EIF2AK2: variants seen among roughly 807,000 people sequenced by gnomAD.
EIF2AK2 encodes eukaryotic translation initiation factor 2 alpha kinase 2, also known as interferon-induced, double-stranded RNA-activated protein kinase.
In EIF2AK2, 40 loss-of-function variants were observed where a neutral mutation model predicts 70.5. The ratio of observed to expected loss-of-function variants is 0.57; its 90% CI spans 0.44 to 0.74. The LOEUF is 0.74. EIF2AK2 is among the 30% of genes least tolerant of loss of function. The pLI is 0.00. For missense variants in EIF2AK2, 555 were observed against 644.3 expected, an observed-to-expected ratio of 0.86 and a Z score of 1.50; for synonymous variants, 198 against 220.9, an observed-to-expected ratio of 0.90 and a Z score of 0.92.
chr2:37,107,080 A>T lies in EIF2AK2; in HGVS notation c.*193T>A. 1 of 689,344 alleles carries T rather than the reference A, an allele frequency of 1.5e-6. No individual in the cohort carries two copies. The highest frequency in any genetic ancestry group is 2.1e-6 in the Non-Finnish European group (1 of 468,752). 42.7% of individuals were successfully genotyped at this position (689,344 alleles called of 1,614,324 possible). A position where few individuals can be genotyped will look rare whatever the true frequency, so the allele number is the denominator to read the frequency against. Reference sequence around the variant, plus strand: ...AGAATAAAGAGATGAGCCAGGAAAAAGTAAAATGTAAGAATGTTTTTGAAG... The same window carrying T: ...AGAATAAAGAGATGAGCCAGGAAAATGTAAAATGTAAGAATGTTTTTGAAG... On this transcript the variant is annotated 3_prime_UTR_variant, in exon 17 of 17. Transcript: ENST00000233057.
At chr2:37,155,085 G>A (rs1014532801) in intron 1 of EIF2AK2, among the ~76,000 whole-genome samples, 15 of 151,898 alleles carry the variant, frequency 9.9e-5, no homozygotes, top group Admixed American at 8.5e-4. Flanking sequence ...TAAATTCCAC[G>A]GACACAATGA....
intron 10 of EIF2AK2, among the ~76,000 whole-genome samples, chr2:37,134,858 C>T (rs1675070670): frequency 6.6e-6 from 1 of 152,206 alleles, no homozygotes; most frequent in Non-Finnish European, 1.5e-5. Flanking sequence ...GGACTAATTC[C>T]TCCTAGCCAA....
At chr2:37,139,325 A>C (rs1217204293) in intron 6 of EIF2AK2, among the ~76,000 whole-genome samples, 1 of 151,752 alleles carries the variant, frequency 6.6e-6, no homozygotes, top group African/African-American at 2.4e-5. Flanking sequence ...AAAAAAAAAA[A>C]AAAAAAAACT....
chr2:37,121,285 A>AAC (rs1674540763), intron 12 of EIF2AK2, among the ~76,000 whole-genome samples: 2 of 142,194 alleles, frequency 1.4e-5, no homozygotes, highest in Admixed American at 1.4e-4. Flanking sequence ...AAAAAAAAAA[A>AAC]CGAGAAGAAA....
chr2:37,114,906 A>G, intron 13 of EIF2AK2, 47 bp from the exon 14 acceptor site: 1 of 1,296,756 alleles, frequency 7.7e-7, no homozygotes, highest in Non-Finnish European at 1.0e-6. Context: ...TTAACATACT[A>G]TTACCACATG....
chr2:37,146,765 T>C (rs1324398840), intron 4 of EIF2AK2, 88 bp downstream of exon 4: 13 of 1,506,974 alleles, frequency 8.6e-6, no homozygotes, highest in African/African-American at 1.4e-5. Flanking sequence ...TGAATGGCTT[T>C]ACTCTGTATG....
intron 10 of EIF2AK2, among the ~76,000 whole-genome samples, chr2:37,132,943 C>T (rs1484509537): frequency 1.3e-5 from 2 of 152,154 alleles, no homozygotes; most frequent in African/African-American, 2.4e-5. Context: ...AAATGAGCTT[C>T]GACTGTCACC....
chr2:37,136,528 G>A (rs1207840511), intron 9 of EIF2AK2, among the ~76,000 whole-genome samples: 2 of 152,148 alleles, frequency 1.3e-5, no homozygotes, highest in African/African-American at 4.8e-5. Context: ...TATACTGGTG[G>A]CTCATAATGG....
At chr2:37,146,287 C>T (rs950437248) in intron 4 of EIF2AK2, among the ~76,000 whole-genome samples, 6 of 152,084 alleles carry the variant, frequency 3.9e-5, no homozygotes, top group Admixed American at 1.3e-4. Context: ...GGAAATTGCC[C>T]AAAGGTGCAT....
rs1673773234 is a variant in EIF2AK2 at position 37,099,519 on chromosome 2, G to A, written c.*7754C>T. 1 of 152,210 alleles carries A rather than the reference G, an allele frequency of 6.6e-6. No homozygotes were observed. Among genetic ancestry groups the A allele is most frequent in the Non-Finnish European group, 1.5e-5 (1 of 68,038 alleles). The allele number at this position is 152,210 out of a possible 1,614,324, so 9.4% of individuals were successfully genotyped here. A position where few individuals can be genotyped will look rare whatever the true frequency, so the allele number is the denominator to read the frequency against. ...GGTACTAAACAATGGGAGTACTAGG[G>A]AGAAGATTCATTTTGAGTGGGAGAT... On this transcript the variant is annotated 3_prime_UTR_variant, in exon 17 of 17. Coordinates refer to ENST00000233057, the MANE Select transcript of EIF2AK2 (RefSeq NM_001135651.3).
In EIF2AK2 at chr2:37,145,729, T is replaced by C. The variant is rs558512693; in HGVS notation, c.240+1124A>G. ...GCATGGTATGTGCCTTATATGGGTG[T>C]ACTTTTGCTTGTCTTTTTTTTTTTT... On this transcript the variant is annotated intron_variant, in intron 4 of 16. Transcript: ENST00000233057. 2.0e-5 allele frequency among the ~76,000 whole-genome samples: 3 copies of C among 146,564 alleles called. No individual in the cohort carries two copies. In the East Asian group the frequency reaches 6.1e-4, roughly 30 times the overall value.
At chr2:37,135,913 G>A (rs927493414) in intron 9 of EIF2AK2, among the ~76,000 whole-genome samples, 32 of 152,188 alleles carry the variant, frequency 2.1e-4, no homozygotes, top group African/African-American at 6.5e-4. Context: ...GATCACAGGC[G>A]CAAGCCACAG....
chr2:37,115,225 T>G (rs754041601), intron 13 of EIF2AK2: 445 of 189,948 alleles, frequency 2.3e-3, no homozygotes, highest in South Asian at 3.6e-3. Context: ...TTTTTTTTTT[T>G]TTTTTTTTTT....
intron 14 of EIF2AK2, among the ~76,000 whole-genome samples, chr2:37,111,170 AC>A (rs1349912895): frequency 6.6e-6 from 1 of 152,176 alleles, no homozygotes; most frequent in Admixed American, 6.5e-5. Flanking sequence ...GAGTTCTTTA[AC>A]GGGTGTAAAG....
intron 4 of EIF2AK2, among the ~76,000 whole-genome samples, chr2:37,143,715 C>T (rs954265278): frequency 6.6e-6 from 1 of 151,808 alleles, no homozygotes; most frequent in Non-Finnish European, 1.5e-5. Context: ...GAGACTCCAT[C>T]GCTACAAAAA....
intron 6 of EIF2AK2, 145 bp downstream of exon 6, chr2:37,139,486 C>A: frequency 8.4e-7 from 1 of 1,191,558 alleles, no homozygotes; most frequent in Non-Finnish European, 1.2e-6. Context: ...CCCCATGGTG[C>A]ATGGCTCATC....
chr2:37,153,223 T>C (rs903402970), intron 1 of EIF2AK2, among the ~76,000 whole-genome samples: 8 of 152,152 alleles, frequency 5.3e-5, no homozygotes, highest in African/African-American at 1.9e-4. Context: ...ACATTCACAA[T>C]GTTGTGTAGC....
At chr2:37,149,439 G>A (rs1466609091) in intron 1 of EIF2AK2, 2 of 451,104 alleles carry the variant, frequency 4.4e-6, no homozygotes, top group East Asian at 9.0e-5. Flanking sequence ...TTTTCATCTT[G>A]GGTGCTTTAA....
intron 12 of EIF2AK2, among the ~76,000 whole-genome samples, chr2:37,120,974 AAAG>A (rs1014870453): frequency 6.7e-5 from 10 of 149,242 alleles, no homozygotes; most frequent in African/African-American, 2.2e-4. Context: ...AAAAAAAAAA[AAAG>A]AAGAGGCCGG....
Sources: allele counts gnomAD v4.1 joint callset (sites outside exome capture counted in the v4.1 genomes callset), GRCh38; gene constraint gnomAD v4.1.1; transcripts MANE v1.5; gene names NCBI Gene and HGNC (gene_info 2026-07-23, HGNC 2026-07-21).